SNX13: variants seen among roughly 807,000 people sequenced by gnomAD.
The protein encoded by SNX13 is sorting nexin-13.
SNX13 carries 45 observed loss-of-function variants against 133.6 expected under a neutral mutation model. The ratio of observed to expected loss-of-function variants is 0.34; its 90% CI spans 0.27 to 0.43. The LOEUF (loss-of-function observed/expected upper bound fraction) is 0.43. SNX13 is among the 20% of genes least tolerant of loss of function. SNX13 has a pLI of 1.00. For missense variants in SNX13, 1,032 were observed against 1,145.1 expected (o/e 0.90, Z 1.43); for synonymous variants, 414 against 373.9 (o/e 1.11, Z -1.24).
intron 19 of SNX13, among the ~76,000 whole-genome samples, chr7:17,815,654 C>T (rs1562688561): frequency 1.3e-5 from 2 of 152,076 alleles, no homozygotes; most frequent in African/African-American, 4.8e-5. Context: ...CAAAAACATT[C>T]AAGTGTTATA....
chr7:17,798,904 C>A, intron 23 of SNX13, 105 bp downstream of exon 23: 1 of 1,367,286 alleles, frequency 7.3e-7, no homozygotes, highest in Non-Finnish European at 1.0e-6. Context: ...CTTAAAAGGC[C>A]CAGAGAAAAA....
At chr7:17,857,089 A>C (rs1342080569) in intron 9 of SNX13, among the ~76,000 whole-genome samples, 3 of 152,164 alleles carry the variant, frequency 2.0e-5, no homozygotes, top group Non-Finnish European at 4.4e-5. Context: ...ATAAAGAATC[A>C]TCAGAGACCA....
At chr7:17,839,184 TTATA>T (rs1473020643) in intron 13 of SNX13, among the ~76,000 whole-genome samples, 2 of 149,308 alleles carry the variant, frequency 1.3e-5, no homozygotes, top group Middle Eastern at 3.6e-3. Context: ...ACGCTATAGA[TTATA>T]TATATTCTAT....
chr7:17,800,385 T>G (rs1422022234), intron 22 of SNX13, among the ~76,000 whole-genome samples: 1 of 151,736 alleles, frequency 6.6e-6, no homozygotes, highest in African/African-American at 2.4e-5. Flanking sequence ...CAAACATATA[T>G]GGTAACCTGA....
chr7:17,830,538 A>G (rs1562718808), intron 15 of SNX13: 2 of 983,950 alleles, frequency 2.0e-6, no homozygotes. Flanking sequence ...TTGGTGGTAG[A>G]TTATCTTGAA....
intron 19 of SNX13, among the ~76,000 whole-genome samples, chr7:17,815,881 A>T (rs1786597954): frequency 1.3e-5 from 2 of 150,792 alleles, no homozygotes; most frequent in Non-Finnish European, 3.0e-5. Flanking sequence ...TTAGCACTTT[A>T]AAAAAAAAAT....
chr7:17,840,467 T>C (rs554207242), intron 12 of SNX13, among the ~76,000 whole-genome samples: 4 of 152,096 alleles, frequency 2.6e-5, no homozygotes, highest in East Asian at 1.9e-4. Flanking sequence ...TTAAAAAGTA[T>C]ATATTAAAAT....
intron 1 of SNX13, 122 bp from the exon 2 acceptor site, chr7:17,897,568 AG>A (rs1382980179): frequency 1.9e-6 from 1 of 534,418 alleles, no homozygotes; most frequent in East Asian, 3.2e-5. Flanking sequence ...GTATTATTTC[AG>A]TAACTTTTGA....
chr7:17,927,647 T>C (rs1053095407), intron 1 of SNX13, among the ~76,000 whole-genome samples: 4 of 152,174 alleles, frequency 2.6e-5, no homozygotes, highest in Admixed American at 6.5e-5. Context: ...TAAACCAAAA[T>C]AAAATTTATT....
At chr7:17,818,469 A>C (rs1786922298) in intron 18 of SNX13, among the ~76,000 whole-genome samples, 1 of 152,232 alleles carries the variant, frequency 6.6e-6, no homozygotes, top group South Asian at 2.1e-4. Flanking sequence ...GTTTTCTCAA[A>C]CTATAAAAGC....
intron 9 of SNX13, among the ~76,000 whole-genome samples, chr7:17,856,779 C>A (rs1462132683): frequency 8.8e-6 from 1 of 113,758 alleles, no homozygotes; most frequent in African/African-American, 3.5e-5. Flanking sequence ...CAGAGTGAGA[C>A]TCTCTTAAAA....
At chr7:17,825,737 G>C (rs944973772) in intron 17 of SNX13, among the ~76,000 whole-genome samples, 16 of 152,078 alleles carry the variant, frequency 1.1e-4, no homozygotes, top group African/African-American at 3.6e-4. Flanking sequence ...CTATCAGCTA[G>C]ACCCAAGAAC....
At chr7:17,939,542 A>G (rs1478650197) in intron 1 of SNX13, among the ~76,000 whole-genome samples, 1 of 152,206 alleles carries the variant, frequency 6.6e-6, no homozygotes, top group Non-Finnish European at 1.5e-5. Context: ...GCTTTTTGCA[A>G]TGCCCATTAG....
intron 20 of SNX13, among the ~76,000 whole-genome samples, chr7:17,804,186 A>T (rs1784935721): frequency 6.6e-6 from 1 of 152,198 alleles, no homozygotes; most frequent in African/African-American, 2.4e-5. Flanking sequence ...GAATAAAAAA[A>T]GTTTTCCATT....
At chr7:17,821,815 T>G (rs929323996) in intron 17 of SNX13, 167 bp from the exon 18 acceptor site, 6 of 690,208 alleles carry the variant, frequency 8.7e-6, no homozygotes, top group Non-Finnish European at 1.4e-5. Context: ...CAGCAAAGGA[T>G]AGATTCCCAT....
intron 8 of SNX13, among the ~76,000 whole-genome samples, chr7:17,871,263 T>C (rs1006402455): frequency 1.3e-5 from 2 of 152,036 alleles, no homozygotes; most frequent in Non-Finnish European, 2.9e-5. Flanking sequence ...CCTTGGCCTC[T>C]CAAAGTGCTG....
chr7:17,841,736 C>T (rs1583439620), intron 12 of SNX13, among the ~76,000 whole-genome samples: 1 of 151,254 alleles, frequency 6.6e-6, no homozygotes, highest in Non-Finnish European at 1.5e-5. Flanking sequence ...CTTAAAGATG[C>T]CCAAAAGACT....
chr7:17,920,440 T>C (rs939644643), intron 1 of SNX13, among the ~76,000 whole-genome samples: 1 of 152,214 alleles, frequency 6.6e-6, no homozygotes, highest in Non-Finnish European at 1.5e-5. Context: ...GAGTAGCTCT[T>C]AAAGCCTACA....
intron 1 of SNX13, among the ~76,000 whole-genome samples, chr7:17,925,428 C>T (rs1800639511): frequency 6.6e-6 from 1 of 151,972 alleles, no homozygotes; most frequent in Admixed American, 6.6e-5. Context: ...AATTATATCT[C>T]AATAAAGCTA....
Sources: allele counts gnomAD v4.1 joint callset (sites outside exome capture counted in the v4.1 genomes callset), GRCh38; gene constraint gnomAD v4.1.1; transcripts MANE v1.5; gene names NCBI Gene and HGNC (gene_info 2026-07-23, HGNC 2026-07-21).